Variants in CCSER1 observed in about 807,000 individuals in gnomAD.
The protein encoded by CCSER1 is coiled-coil serine rich protein 1, also known as serine-rich coiled-coil domain-containing protein 1.
Under a neutral mutation model 82.0 loss-of-function variants are expected in CCSER1, and 41 were observed. The ratio of observed to expected loss-of-function variants is 0.50; its 90% CI spans 0.39 to 0.65. CCSER1 has a LOEUF of 0.65. Ranked by LOEUF, CCSER1 falls within the 30% of genes least tolerant of loss-of-function variation. The pLI is 0.00. For missense variants in CCSER1, 1,119 were observed against 1,064.2 expected, an observed-to-expected ratio of 1.05 and a Z score of -0.72; for synonymous variants, 414 against 383.9, an observed-to-expected ratio of 1.08 and a Z score of -0.92.
chr4:90,622,028 T>C (rs983340305), intron 5 of CCSER1, among the ~76,000 whole-genome samples: 3 of 152,252 alleles, frequency 2.0e-5, no homozygotes, highest in African/African-American at 7.2e-5. Context: ...CCTTTTGTAC[T>C]GTAATATGTT....
At chr4:91,407,792 G>A (rs1200809844) in intron 10 of CCSER1, among the ~76,000 whole-genome samples, 1 of 152,184 alleles carries the variant, frequency 6.6e-6, no homozygotes, top group African/African-American at 2.4e-5. Flanking sequence ...CACCACCCAT[G>A]AGGGATCCAT....
intron 10 of CCSER1, among the ~76,000 whole-genome samples, chr4:91,152,481 G>C (rs1395931510): frequency 2.6e-5 from 4 of 152,096 alleles, no homozygotes; most frequent in African/African-American, 9.7e-5. Context: ...CTCTTTGCCA[G>C]TCTGTATCTT....
chr4:90,405,358 C>T (rs148153885), intron 4 of CCSER1, among the ~76,000 whole-genome samples: 1,547 of 152,196 alleles, frequency 0.01, 17 homozygotes, highest in South Asian at 0.03. Context: ...AGAAGTTTGG[C>T]ACTGTGTTAA....
chr4:90,615,807 A>T (rs921120244), intron 5 of CCSER1, among the ~76,000 whole-genome samples: 6 of 152,130 alleles, frequency 3.9e-5, no homozygotes, highest in African/African-American at 1.4e-4. Flanking sequence ...GTTTGAGAGG[A>T]TTGATACGAA....
At chr4:91,319,169 G>T in intron 10 of CCSER1, 1 of 213,422 alleles carries the variant, frequency 4.7e-6, no homozygotes, top group Non-Finnish European at 9.7e-6. Flanking sequence ...TGATGCATAA[G>T]TTTACATGAA....
intron 9 of CCSER1, among the ~76,000 whole-genome samples, chr4:90,977,201 G>T (rs955539577): frequency 6.6e-6 from 1 of 151,398 alleles, no homozygotes; most frequent in East Asian, 1.9e-4. Flanking sequence ...GCAAGACTTC[G>T]CAGAAAGACA....
chr4:90,580,150 G>A (rs1274534505), intron 5 of CCSER1, among the ~76,000 whole-genome samples: 1 of 152,012 alleles, frequency 6.6e-6, no homozygotes, highest in African/African-American at 2.4e-5. Flanking sequence ...TACATGCATA[G>A]GGATATATAT....
intron 5 of CCSER1, among the ~76,000 whole-genome samples, chr4:90,532,724 C>T (rs978593836): frequency 5.3e-5 from 8 of 152,070 alleles, no homozygotes; most frequent in African/African-American, 1.4e-4. Context: ...AAATTCTTTT[C>T]TATTTCTTAC....
chr4:91,182,493 T>A (rs1373639212), intron 10 of CCSER1, among the ~76,000 whole-genome samples: 1 of 152,206 alleles, frequency 6.6e-6, no homozygotes, highest in Non-Finnish European at 1.5e-5. Flanking sequence ...CGGTCTTCCA[T>A]ATTTTATCTC....
chr4:91,237,161 A>G (rs1036334210), intron 10 of CCSER1, among the ~76,000 whole-genome samples: 1 of 152,058 alleles, frequency 6.6e-6, no homozygotes. Context: ...ATCAATGAAT[A>G]TTATATGTCC....
rs73834771 is a variant in CCSER1 at position 91,057,779 on chromosome 4, A to G, written c.2173-28171A>G. On this transcript the variant is annotated intron_variant, in intron 9 of 10. Coordinates refer to ENST00000509176, the MANE Select transcript of CCSER1 (RefSeq NM_001145065.2). ...TATAAAATGATTATCATTTTATGCAATTAGAATGACTACTTTTTCACCATA... is the reference window on the plus strand; with the variant it reads ...TATAAAATGATTATCATTTTATGCAGTTAGAATGACTACTTTTTCACCATA... Among the ~76,000 whole-genome samples, 705 of 152,262 alleles carry G rather than the reference A, an allele frequency of 4.6e-3. 6 individuals are homozygous for G. Among genetic ancestry groups the G allele is most frequent in the African/African-American group, 0.016 (665 of 41,566 alleles).
rs574576415 is a variant in CCSER1 at position 90,620,342 on chromosome 4, A to G, written c.1725-7683A>G. ...ACCAGAATTTCACAGTCTCTGTGTG[A>G]CAGTTAGAAAATTAATTTAGGCTTG... is the stretch of plus-strand genomic sequence containing the variant. On this transcript the variant is annotated intron_variant, in intron 5 of 10. Transcript: ENST00000509176. Among the ~76,000 whole-genome samples, 19 of 152,308 alleles carry G rather than the reference A, an allele frequency of 1.2e-4. No individual in the cohort carries two copies. In the South Asian group the frequency reaches 3.9e-3, roughly 32 times the overall value.
chr4:90,625,180 C>T (rs1025328228), intron 5 of CCSER1, among the ~76,000 whole-genome samples: 7 of 152,114 alleles, frequency 4.6e-5, no homozygotes, highest in African/African-American at 1.4e-4. Context: ...ATCTTTTTCT[C>T]CCCTCACCAG....
At chr4:90,551,864 T>C (rs528624575) in intron 5 of CCSER1, among the ~76,000 whole-genome samples, 67 of 152,070 alleles carry the variant, frequency 4.4e-4, no homozygotes, top group Non-Finnish European at 8.8e-4. Context: ...GGGTAACTTT[T>C]AAAGAGCAGA....
chr4:90,625,343 A>G lies in CCSER1; in HGVS notation c.1725-2682A>G, dbSNP rs369543959. On this transcript the variant is annotated intron_variant, in intron 5 of 10. Coordinates refer to ENST00000509176, the MANE Select transcript of CCSER1 (RefSeq NM_001145065.2). ...AATAATGGCTATTGATCAAAACATT[A>G]ATATTCAATACATTGAACAACTGTA... is the stretch of plus-strand genomic sequence containing the variant. Among the ~76,000 whole-genome samples, 3 of 152,200 alleles carry G rather than the reference A, an allele frequency of 2.0e-5. No homozygotes were observed. The East Asian group carries it at 5.8e-4, about 29-fold the overall frequency.
At chr4:90,319,839 A>G (rs2153486350) in intron 3 of CCSER1, among the ~76,000 whole-genome samples, 1 of 152,338 alleles carries the variant, frequency 6.6e-6, no homozygotes, top group East Asian at 1.9e-4. Context: ...GGGACATCTA[A>G]TAAAAATGGA....
At chr4:91,261,684 T>C (rs1741144063) in intron 10 of CCSER1, among the ~76,000 whole-genome samples, 2 of 151,996 alleles carry the variant, frequency 1.3e-5, no homozygotes, top group South Asian at 4.2e-4. Context: ...AAAACTGTAG[T>C]GTCTTATCAC....
At chr4:91,149,775 G>T (rs1225252908) in intron 10 of CCSER1, among the ~76,000 whole-genome samples, 2 of 152,262 alleles carry the variant, frequency 1.3e-5, no homozygotes, top group South Asian at 2.1e-4. Context: ...ATTTGTCAAA[G>T]ATCAGGTGGT....
At chr4:90,502,964 C>T (rs74928148) in intron 5 of CCSER1, among the ~76,000 whole-genome samples, 2,250 of 152,098 alleles carry the variant, frequency 0.015, 34 homozygotes, top group African/African-American at 0.044. Context: ...AAGATGACTT[C>T]GGAGAGATGC....
Sources: gnomAD v4.1 joint callset for allele counts (sites outside exome capture counted in the v4.1 genomes callset) on GRCh38, gnomAD v4.1.1 for gene constraint, MANE v1.5 for transcripts, NCBI Gene and HGNC (gene_info 2026-07-23, HGNC 2026-07-21) for gene names.